The following NCF2 variants were observed in gnomAD, a reference collection of about 807,000 sequenced individuals.
The protein encoded by NCF2 is neutrophil cytosol factor 2.
In NCF2, 45 loss-of-function variants were observed where a neutral mutation model predicts 70.9. The ratio of observed to expected loss-of-function variants is 0.63; its 90% CI spans 0.50 to 0.81. The LOEUF (loss-of-function observed/expected upper bound fraction) is 0.81, where lower values mean the gene tolerates loss of function less well. Ranked by LOEUF, NCF2 falls within the 40% of genes least tolerant of loss-of-function variation. The probability of loss-of-function intolerance (pLI) is 0.00; values close to 1 mark genes in which losing one functional copy is unlikely to be tolerated. For synonymous variants in NCF2, 203 were observed against 233.6 expected, an observed-to-expected ratio of 0.87 and a Z score of 1.19; for missense variants, 522 against 631.6, an observed-to-expected ratio of 0.83 and a Z score of 1.86.
rs555317674 is a variant in NCF2, at chr1:183,588,440, A to T, written c.175-1463T>A. On this transcript the variant is annotated intron_variant, in intron 1 of 14. Coordinates refer to ENST00000367535, the MANE Select transcript of NCF2 (RefSeq NM_000433.4). ...CAGTGAGCCGAGATTGCACCACTGCACTCCAGCCTGGGTGACAGAGTGAGA... is the reference window on the plus strand; with the variant it reads ...CAGTGAGCCGAGATTGCACCACTGCTCTCCAGCCTGGGTGACAGAGTGAGA... Among the ~76,000 whole-genome samples the T allele has an allele frequency of 3.4e-5, 5 of 149,168 alleles. No individual in the cohort carries two copies. In the South Asian group the frequency reaches 1.1e-3, roughly 32 times the overall value.
intron 9 of NCF2, 114 bp from the exon 10 acceptor site, chr1:183,565,893 C>T (rs1047525958): frequency 7.6e-6 from 8 of 1,046,018 alleles, no homozygotes; most frequent in African/African-American, 3.2e-5. Flanking sequence ...ATGCAGATAA[C>T]GTCCTAAAAG....
At chr1:183,585,493 C>T (rs949388294) in intron 2 of NCF2, among the ~76,000 whole-genome samples, 6 of 151,916 alleles carry the variant, frequency 3.9e-5, no homozygotes, top group East Asian at 1.9e-4. Flanking sequence ...GACGTAGTGG[C>T]GGGCACCTGT....
intron 14 of NCF2, among the ~76,000 whole-genome samples, chr1:183,556,705 A>G (rs1041915440): frequency 2.0e-5 from 3 of 152,066 alleles, no homozygotes; most frequent in South Asian, 2.1e-4. Context: ...TAATTTTTGT[A>G]TTTATTAGAG....
chr1:183,581,768 C>A (rs958675894), intron 2 of NCF2, among the ~76,000 whole-genome samples: 1 of 151,868 alleles, frequency 6.6e-6, no homozygotes, highest in Admixed American at 6.6e-5. Context: ...TCCCGGTTCA[C>A]GCCATTCTCC....
chr1:183,563,707 AAGTAACTGG>A, intron 11 of NCF2, 122 bp from the exon 12 acceptor site: 2 of 1,256,136 alleles, frequency 1.6e-6, no homozygotes, highest in Admixed American at 3.6e-5. Context: ...AGAGGCCAGT[AAGTAACTGG>A]TTTCACAGTA....
In NCF2 at chr1:183,590,252, C is replaced by T; in HGVS notation, c.78G>A (p.Leu26=). The change falls in exon 1 of 15, where the codon CTG becomes CTA. Residue 26 remains leucine, a synonymous_variant. Transcript: ENST00000367535. ...GGTCCTGGACGGCACTGAAGGCATC[C>T]AGGGCTCCCTTCCAGTCCTTCTTGT... The part of the protein sequence containing the change: ...AADKKDWKGA[L]DAFSAVQDPH... 6.2e-7 allele frequency: 1 copy of T among 1,614,138 alleles called. No individual in the cohort carries two copies. The highest frequency in any genetic ancestry group is 8.5e-7 in the Non-Finnish European group (1 of 1,180,030).
chr1:183,578,647 A>G (rs1270286211), intron 2 of NCF2, among the ~76,000 whole-genome samples: 1 of 152,222 alleles, frequency 6.6e-6, no homozygotes, highest in Non-Finnish European at 1.5e-5. Flanking sequence ...AATTACAGGC[A>G]TGAGCCACCA....
the NCF2 span, among the ~76,000 whole-genome samples, chr1:183,597,412 G>A: frequency 2.6e-5 from 4 of 152,146 alleles, no homozygotes; most frequent in South Asian, 2.1e-4. Context: ...ACAAAAAAGC[G>A]GAGGGGGCAC....
intron 1 of NCF2, 49 bp downstream of exon 1, chr1:183,590,107 A>G (rs1446498764): frequency 6.2e-7 from 1 of 1,612,472 alleles, no homozygotes; most frequent in African/African-American, 1.3e-5. Flanking sequence ...GTTGAGAATC[A>G]TAATAACAAA....
chr1:183,583,296 C>A (rs1036462389), intron 2 of NCF2, among the ~76,000 whole-genome samples: 1 of 152,146 alleles, frequency 6.6e-6, no homozygotes, highest in Middle Eastern at 3.2e-3. Flanking sequence ...TCAGGTGATC[C>A]GCCTACCTTG....
intron 11 of NCF2, 125 bp from the exon 12 acceptor site, chr1:183,563,710 T>C: frequency 8.1e-7 from 1 of 1,241,126 alleles, no homozygotes; most frequent in South Asian, 1.3e-5. Flanking sequence ...GGCCAGTAAG[T>C]AACTGGTTTC....
intron 13 of NCF2, 72 bp downstream of exon 13, chr1:183,563,123 T>C (rs1242259356): frequency 1.5e-5 from 21 of 1,364,346 alleles, no homozygotes; most frequent in Non-Finnish European, 5.2e-6. Context: ...CAGAAGGTGC[T>C]TGATAAATTT....
rs755128682 is a variant in NCF2 at position 183,577,585 on chromosome 1, C to T, written c.366+14G>A. The T allele has an allele frequency of 2.5e-6, 4 of 1,579,360 alleles. No individual in the cohort carries two copies. Among genetic ancestry groups the T allele is most frequent in the Non-Finnish European group, 3.5e-6 (4 of 1,148,500 alleles). On this transcript the variant is annotated intron_variant, in intron 3 of 14. Coordinates refer to ENST00000367535, the MANE Select transcript of NCF2 (RefSeq NM_000433.4). The stretch of plus-strand genomic sequence containing the variant: ...TGATCCCCTCCTGCCCAGGCCAGGC[C>T]CTGTTCTCCTTACCTCACAGGCAAA...
intron 6 of NCF2, 23 bp from the exon 7 acceptor site, chr1:183,569,208 G>T: frequency 6.2e-7 from 1 of 1,613,002 alleles, no homozygotes; most frequent in Non-Finnish European, 8.5e-7. Context: ...CAGGAGAAGT[G>T]AAAACGGAAA....
the NCF2 span, among the ~76,000 whole-genome samples, chr1:183,599,449 T>TCTTTCTTTCTTTC: frequency 1.4e-3 from 175 of 127,964 alleles, 1 homozygote; most frequent in South Asian, 2.7e-3. Context: ...TTTCTTTCTT[T>TCTTTCTTTCTTTC]CTTTCTTTCT....
chr1:183,586,720 C>T (rs1247553621), intron 2 of NCF2, among the ~76,000 whole-genome samples, 175 bp downstream of exon 2: 2 of 152,156 alleles, frequency 1.3e-5, no homozygotes, highest in African/African-American at 4.8e-5. Context: ...CCTTGCCTCC[C>T]CAGTGAGAGC....
In NCF2 at chr1:183,560,200, T is replaced by C. The variant is rs142633260; in HGVS notation, c.1364A>G (p.Gln455Arg). ...ADANNQTTEP[Q>R]LKKGSQVEAL... ...CTCCACTTGGCTGCCTTTCTTAAGC[T>C]GAGGTTCTGTTGTCTGGTTATTAGC... The change falls in exon 14 of 15, where the codon CAG becomes CGG. Residue 455 changes from glutamine (Q) to arginine (R), a missense_variant. By Grantham distance (43) the Gln-to-Arg change is conservative. Coordinates refer to ENST00000367535, the MANE Select transcript of NCF2 (RefSeq NM_000433.4). 1.2e-6 allele frequency: 2 copies of C among 1,614,106 alleles called. No homozygotes were observed. The highest frequency in any genetic ancestry group is 1.7e-5 in the Admixed American group (1 of 60,002).
At position 183,565,104 on chromosome 1, in the gene NCF2, G is replaced by C. The variant is rs138466536; in HGVS notation, c.1000+600C>G. Among the ~76,000 whole-genome samples, 10 of 152,320 alleles carry C rather than the reference G, an allele frequency of 6.6e-5. No individual in the cohort carries two copies. In the East Asian group the frequency reaches 1.9e-3, roughly 29 times the overall value. On this transcript the variant is annotated intron_variant, in intron 10 of 14. Transcript: ENST00000367535. The stretch of plus-strand genomic sequence containing the variant: ...AAGGGACATCCCGAGTGATTCTGAT[G>C]ATCAGGCGCGTGTGGCAATCATTGA...
At chr1:183,569,482 G>T (rs1313527866) in intron 6 of NCF2, among the ~76,000 whole-genome samples, 1 of 152,178 alleles carries the variant, frequency 6.6e-6, no homozygotes, top group Non-Finnish European at 1.5e-5. Flanking sequence ...TCACAAGAAT[G>T]CTTTGACCTT....
Sources: allele counts gnomAD v4.1 joint callset (sites outside exome capture counted in the v4.1 genomes callset), GRCh38; gene constraint gnomAD v4.1.1; transcripts MANE v1.5; gene names NCBI Gene and HGNC (gene_info 2026-07-23, HGNC 2026-07-21).